The following ADGRF5 variants were observed in gnomAD, a reference collection of about 807,000 sequenced individuals.
ADGRF5 encodes the protein G-protein coupled receptor 116.
ADGRF5 carries 75 observed loss-of-function variants against 132.3 expected under a neutral mutation model. That is an observed-to-expected ratio of 0.57 (90% CI 0.47 to 0.69). The LOEUF is 0.69. Ranked by LOEUF, ADGRF5 falls within the 30% of genes least tolerant of loss-of-function variation. The pLI, the probability that ADGRF5 is intolerant of heterozygous loss-of-function variation, is 0.00. For synonymous variants in ADGRF5, 629 were observed against 597.6 expected (o/e 1.05, Z -0.77); for missense variants, 1,516 against 1,630.6 (o/e 0.93, Z 1.21).
chr6:46,890,394 T>C (rs1050290683), intron 3 of ADGRF5, among the ~76,000 whole-genome samples: 6 of 151,726 alleles, frequency 4.0e-5, no homozygotes, highest in African/African-American at 1.5e-4. Context: ...TGCCCAGTCA[T>C]TGAAAATATT....
chr6:46,862,472 T>A (rs925131158), intron 15 of ADGRF5, among the ~76,000 whole-genome samples: 2 of 151,708 alleles, frequency 1.3e-5, no homozygotes, highest in Non-Finnish European at 2.9e-5. Flanking sequence ...AGCCCAGCTA[T>A]TTTTTTTAAA....
chr6:46,900,567 T>G (rs754645108), intron 2 of ADGRF5, among the ~76,000 whole-genome samples: 63 of 152,250 alleles, frequency 4.1e-4, no homozygotes, highest in South Asian at 1.0e-3. Context: ...TTTTTCTACA[T>G]CTGATCCTTT....
chr6:46,948,724 C>T (rs976322880), intron 1 of ADGRF5, among the ~76,000 whole-genome samples: 1 of 152,172 alleles, frequency 6.6e-6, no homozygotes, highest in Non-Finnish European at 1.5e-5. Context: ...TTTTGAATTG[C>T]CGTCACCGGT....
chr6:46,867,138 C>G lies in ADGRF5; in HGVS notation c.1622-1G>C. ...TATCTAAATATGCAGTGATAGGTTC[C>G]TGAGTAGAAGACGGCAAAAATGAGA... On this transcript the variant is annotated splice_acceptor_variant, in intron 12 of 20. Coordinates refer to ENST00000283296, the MANE Select transcript of ADGRF5 (RefSeq NM_001098518.2). LOFTEE classifies it high-confidence loss of function. The G allele has an allele frequency of 6.4e-7, 1 of 1,567,908 alleles. No homozygotes were observed. Among genetic ancestry groups the G allele is most frequent in the Non-Finnish European group, 8.8e-7 (1 of 1,141,742 alleles).
chr6:46,934,242 T>C (rs1777709564), intron 1 of ADGRF5, among the ~76,000 whole-genome samples: 1 of 152,250 alleles, frequency 6.6e-6, no homozygotes, highest in Admixed American at 6.5e-5. Flanking sequence ...CTATGCCACA[T>C]ACACACTCAC....
intron 1 of ADGRF5, among the ~76,000 whole-genome samples, chr6:46,929,471 A>G (rs1777439587): frequency 6.6e-6 from 1 of 150,746 alleles, no homozygotes; most frequent in African/African-American, 2.4e-5. Context: ...GTGCACATGT[A>G]CCCTAAAACT....
intron 1 of ADGRF5, among the ~76,000 whole-genome samples, chr6:46,918,463 T>C (rs1776614625): frequency 6.6e-6 from 1 of 152,224 alleles, no homozygotes; most frequent in Non-Finnish European, 1.5e-5. Flanking sequence ...ACCCAGAAAG[T>C]GGCAGCTCAT....
intron 1 of ADGRF5, among the ~76,000 whole-genome samples, chr6:46,910,286 T>C (rs988434808): frequency 1.3e-5 from 2 of 152,178 alleles, no homozygotes; most frequent in African/African-American, 4.8e-5. Flanking sequence ...TGGTTATTAA[T>C]TGGCTATTAA....
At chr6:46,906,547 G>A in intron 2 of ADGRF5, 114 bp downstream of exon 2, 2 of 673,660 alleles carry the variant, frequency 3.0e-6, no homozygotes, top group Non-Finnish European at 5.3e-6. Context: ...TGGGAAGAAT[G>A]TTTTTTCTCC....
Position 46,917,127 on chromosome 6 carries a change from T to A in ADGRF5, c.-25+4586A>T, listed in dbSNP as rs575243128. 6.6e-5 allele frequency among the ~76,000 whole-genome samples: 10 copies of A among 152,380 alleles called. 3 individuals are homozygous for A. The highest frequency in any genetic ancestry group is 2.4e-4 in the African/African-American group (10 of 41,596). On this transcript the variant is annotated intron_variant, in intron 1 of 20. Coordinates refer to ENST00000283296, the MANE Select transcript of ADGRF5 (RefSeq NM_001098518.2). ...CTATACATGCACTAGACTCATTTAA[T>A]CTTTATAATCCTGTTTATGAGAAGT...
In ADGRF5 at chr6:46,953,689, A is replaced by C. The variant is rs865929934; in HGVS notation, c.-25+1045T>G. On this transcript the variant is annotated intron_variant, in intron 1 of 20. Coordinates refer to the ADGRF5 transcript ENST00000265417. ...TATATATATATATATATATATATATATCTCACTGACAGTGGCATTATTAGA... is the reference window on the plus strand; with the variant it reads ...TATATATATATATATATATATATATCTCTCACTGACAGTGGCATTATTAGA... Among the ~76,000 whole-genome samples, 425 of 132,930 alleles carry C rather than the reference A, an allele frequency of 3.2e-3. 5 individuals are homozygous for C. Among genetic ancestry groups the C allele is most frequent in the Admixed American group, 7.0e-3 (90 of 12,844 alleles). 87.2% of individuals were successfully genotyped at this position (132,930 alleles called of 152,430 possible). A position where few individuals can be genotyped will look rare whatever the true frequency, so the allele number is the denominator to read the frequency against.
intron 4 of ADGRF5, among the ~76,000 whole-genome samples, chr6:46,887,479 G>A (rs1039110980): frequency 6.6e-6 from 1 of 152,158 alleles, no homozygotes; most frequent in Non-Finnish European, 1.5e-5. Context: ...TAGTGCTAAT[G>A]GTAGAAATCA....
rs1373310114 is a variant in ADGRF5 at position 46,888,499 on chromosome 6, G to C, written c.164C>G (p.Thr55Arg). 2 of 1,611,396 alleles carry C rather than the reference G, an allele frequency of 1.2e-6. No individual in the cohort carries two copies. The highest frequency in any genetic ancestry group is 2.2e-5 in the East Asian group (1 of 44,850). The change falls in exon 4 of 21, where the codon ACA becomes AGA. Residue 55 changes from threonine (T) to arginine (R), a missense_variant. Physicochemically the swap from Thr to Arg is moderately conservative, Grantham distance 71. Coordinates refer to ENST00000283296, the MANE Select transcript of ADGRF5 (RefSeq NM_001098518.2). ...GTATTCTTCAGCCGTAGGACTTTTT[G>C]TGGCAACTGCAATGAAAGCACATGA... is the stretch of plus-strand genomic sequence containing the variant. ...EALRQKRAVA[T>R]KSPTAEEYTV... is the part of the protein sequence containing the mutation.
intron 10 of ADGRF5, among the ~76,000 whole-genome samples, chr6:46,873,686 A>G (rs748001978): frequency 4.6e-5 from 7 of 152,124 alleles, no homozygotes; most frequent in Non-Finnish European, 7.3e-5. Flanking sequence ...TCTATTTCTA[A>G]GAGCAACACT....
Position 46,888,511 on chromosome 6 carries a change from A to G in ADGRF5, c.158-6T>C. The G allele has an allele frequency of 1.3e-6, 2 of 1,596,196 alleles. No individual in the cohort carries two copies. Among genetic ancestry groups the G allele is most frequent in the Non-Finnish European group, 1.7e-6 (2 of 1,163,366 alleles). ...CGTAGGACTTTTTGTGGCAACTGCA[A>G]TGAAAGCACATGAAGGCTGAGAGAA... is the stretch of plus-strand genomic sequence containing the variant. On this transcript the variant is annotated splice_polypyrimidine_tract_variant and splice_region_variant and intron_variant, in intron 3 of 20. Coordinates refer to ENST00000283296, the MANE Select transcript of ADGRF5 (RefSeq NM_001098518.2).
chr6:46,948,541 G>A (rs941630724), intron 1 of ADGRF5, among the ~76,000 whole-genome samples: 7 of 151,560 alleles, frequency 4.6e-5, no homozygotes, highest in Admixed American at 1.3e-4. Flanking sequence ...GGGGCTGTGT[G>A]TACACAGATT....
chr6:46,897,637 C>A (rs556772687), intron 3 of ADGRF5, among the ~76,000 whole-genome samples: 1 of 152,184 alleles, frequency 6.6e-6, no homozygotes, highest in African/African-American at 2.4e-5. Flanking sequence ...TGCAGTGGTG[C>A]GATCTCAGCT....
rs1365817206 is a variant in ADGRF5 at position 46,858,610 on chromosome 6, A to T, written c.3293T>A (p.Leu1098His). The change falls in exon 17 of 21, where the codon CTC becomes CAC. Residue 1098 changes from leucine to histidine, a missense_variant. By Grantham distance (99) the Leu-to-His change is moderately conservative (BLOSUM62 -3). Transcript: ENST00000283296. ...TGTCAGCATCCAGAAGAAGACGCTG[A>T]GGTAGAAGAAGTGGATGAAGAAGGT... ...AATFFIHFFY[L>H]SVFFWMLTLG... 3 of 1,614,136 alleles carry T rather than the reference A, an allele frequency of 1.9e-6. No individual in the cohort carries two copies. In the East Asian group the frequency reaches 6.7e-5, roughly 36 times the overall value.
chr6:46,877,289 T>TTCTTTCTTTCTTTCTTTCTC (rs1395354122), intron 10 of ADGRF5, among the ~76,000 whole-genome samples: 1 of 68,068 alleles, frequency 1.5e-5, no homozygotes, highest in Non-Finnish European at 3.2e-5. Context: ...CTTTCTTTCT[T>TTCTTTCTTTCTTTCTTTCTC]TCTCTCTCTC....
Sources: allele counts gnomAD v4.1 joint callset (sites outside exome capture counted in the v4.1 genomes callset), GRCh38; gene constraint gnomAD v4.1.1; transcripts MANE v1.5; gene names NCBI Gene and HGNC (gene_info 2026-07-23, HGNC 2026-07-21).